The following MYO1B variants were observed in gnomAD, a reference collection of about 807,000 sequenced individuals.
The protein encoded by MYO1B is myosin IB.
A neutral mutation model predicts 159.7 loss-of-function variants in MYO1B; 72 were observed. That is an observed-to-expected ratio of 0.45 (90% CI 0.37 to 0.55). The LOEUF (loss-of-function observed/expected upper bound fraction) is 0.55, where lower values mean the gene tolerates loss of function less well. Among genes scored for constraint, MYO1B ranks in the 20% least tolerant of loss-of-function variants. The pLI is 0.00. For missense variants in MYO1B, 1,062 were observed against 1,364.8 expected, an observed-to-expected ratio of 0.78 and a Z score of 3.50; for synonymous variants, 468 against 473.8, an observed-to-expected ratio of 0.99 and a Z score of 0.16.
intron 4 of MYO1B, among the ~76,000 whole-genome samples, chr2:191,335,657 T>C (rs982327957): frequency 2.0e-5 from 3 of 152,210 alleles, no homozygotes; most frequent in Admixed American, 1.3e-4. Context: ...GATTAACATT[T>C]ATTGAAGGCC....
chr2:191,397,074 A>G (rs1230544526), intron 21 of MYO1B, among the ~76,000 whole-genome samples: 3 of 134,578 alleles, frequency 2.2e-5, no homozygotes, highest in Non-Finnish European at 4.7e-5. Flanking sequence ...GCAAGCTAAG[A>G]ATGGTTTTTA....
intron 1 of MYO1B, among the ~76,000 whole-genome samples, chr2:191,268,490 A>G (rs1335658137): frequency 1.3e-5 from 2 of 152,194 alleles, no homozygotes; most frequent in African/African-American, 4.8e-5. Flanking sequence ...TTCAGTCCGT[A>G]AGATTTGGCT....
Position 191,408,334 on chromosome 2 carries a change from T to TA in MYO1B, c.2631+146dup. 5.1e-6 allele frequency: 3 copies of TA among 591,180 alleles called. No individual in the cohort carries two copies. The South Asian group carries it at 7.1e-5, about 14-fold the overall frequency. 36.6% of individuals were successfully genotyped at this position (591,180 alleles called of 1,614,324 possible). ...AAATCATAGCTGTGACACTGAGAGT[T>TA]AGTTATCTTTTAAAATCATCTTCTT... On this transcript the variant is annotated intron_variant, in intron 25 of 30. Coordinates refer to ENST00000392318, the MANE Select transcript of MYO1B (RefSeq NM_001130158.3).
At chr2:191,354,290 AATAATAATG>A (rs1381112847) in intron 7 of MYO1B, among the ~76,000 whole-genome samples, 1 of 125,394 alleles carries the variant, frequency 8.0e-6, no homozygotes, top group Non-Finnish European at 1.8e-5. Context: ...TAATAATAAT[AATAATAATG>A]TCGAACACCT....
chr2:191,300,339 ATTTTTT>A (rs35917445), intron 3 of MYO1B, among the ~76,000 whole-genome samples: 1 of 140,890 alleles, frequency 7.1e-6, no homozygotes. Context: ...TTACTTGTCA[ATTTTTT>A]TTTTTTTTTT....
At chr2:191,278,929 A>G (rs914152371) in intron 2 of MYO1B, among the ~76,000 whole-genome samples, 11 of 152,264 alleles carry the variant, frequency 7.2e-5, no homozygotes, top group Admixed American at 5.9e-4. Context: ...GAGAAGCACA[A>G]TTCACTTTTA....
At chr2:191,311,010 A>G (rs1283928858) in intron 3 of MYO1B, among the ~76,000 whole-genome samples, 2 of 152,212 alleles carry the variant, frequency 1.3e-5, no homozygotes, top group Non-Finnish European at 2.9e-5. Context: ...AACATTTGAT[A>G]TGAAGAATAC....
intron 1 of MYO1B, chr2:191,263,548 C>G (rs1574288892): frequency 1.3e-5 from 2 of 155,550 alleles, no homozygotes; most frequent in South Asian, 4.1e-4. Flanking sequence ...TTGAAAGCCC[C>G]TTTTTTGATA....
intron 3 of MYO1B, among the ~76,000 whole-genome samples, chr2:191,312,588 A>G (rs935466508): frequency 2.6e-5 from 4 of 152,148 alleles, no homozygotes; most frequent in African/African-American, 9.7e-5. Flanking sequence ...GCATCTTTGG[A>G]AGAGGGACTA....
chr2:191,349,978 G>A (rs1478087615), intron 6 of MYO1B, among the ~76,000 whole-genome samples, 184 bp from the exon 7 acceptor site: 1 of 152,118 alleles, frequency 6.6e-6, no homozygotes, highest in Admixed American at 6.6e-5. Context: ...AACTAATGGG[G>A]TATTTAGTAT....
intron 2 of MYO1B, 92 bp from the exon 3 acceptor site, chr2:191,296,018 TA>T: frequency 1.7e-6 from 1 of 576,392 alleles, no homozygotes; most frequent in Non-Finnish European, 2.8e-6. Flanking sequence ...GTGTTGATTT[TA>T]AAAGGTTGAA....
chr2:191,359,456 C>G (rs1338280827), intron 7 of MYO1B, among the ~76,000 whole-genome samples: 1 of 151,924 alleles, frequency 6.6e-6, no homozygotes, highest in Non-Finnish European at 1.5e-5. Flanking sequence ...AATTTTTGTA[C>G]TTACATATTT....
At chr2:191,390,264 A>G (rs1695663164) in intron 17 of MYO1B, 28 bp from the exon 18 acceptor site, 2 of 1,595,454 alleles carry the variant, frequency 1.3e-6, no homozygotes, top group Non-Finnish European at 8.6e-7. Flanking sequence ...GAGGCAGTTT[A>G]TAACCTAAAA....
intron 24 of MYO1B, among the ~76,000 whole-genome samples, chr2:191,405,227 C>T (rs754531529): frequency 3.9e-5 from 6 of 152,182 alleles, no homozygotes; most frequent in Non-Finnish European, 7.3e-5. Flanking sequence ...TCATTTCCAT[C>T]TTATCTTGAG....
intron 13 of MYO1B, 81 bp downstream of exon 13, chr2:191,370,373 T>C (rs1011102707): frequency 1.3e-5 from 12 of 917,814 alleles, no homozygotes; most frequent in Non-Finnish European, 2.1e-5. Context: ...GTAGACATTA[T>C]AAGTAACTGT....
chr2:191,266,973 G>A (rs528358402), intron 1 of MYO1B, among the ~76,000 whole-genome samples: 1 of 152,264 alleles, frequency 6.6e-6, no homozygotes, highest in South Asian at 2.1e-4. Flanking sequence ...ACTGGCCTGT[G>A]CCTGGGATTG....
At chr2:191,328,153 G>C (rs1346452061) in intron 3 of MYO1B, among the ~76,000 whole-genome samples, 1 of 152,190 alleles carries the variant, frequency 6.6e-6, no homozygotes. Flanking sequence ...CATTTAATTT[G>C]CAGGTCTGTG....
intron 2 of MYO1B, among the ~76,000 whole-genome samples, chr2:191,285,442 C>T (rs13001899): frequency 0.34 from 52,347 of 152,020 alleles, 9,760 homozygotes; most frequent in Middle Eastern, 0.52. Context: ...TTGCGGCCAC[C>T]GTCGGCAGCC....
chr2:191,352,170 T>C (rs1692967822), intron 7 of MYO1B, among the ~76,000 whole-genome samples: 1 of 152,214 alleles, frequency 6.6e-6, no homozygotes, highest in Non-Finnish European at 1.5e-5. Context: ...AAGACTCTTT[T>C]TACAATATAT....
Sources: allele counts gnomAD v4.1 joint callset (sites outside exome capture counted in the v4.1 genomes callset), GRCh38; gene constraint gnomAD v4.1.1; transcripts MANE v1.5; gene names NCBI Gene and HGNC (gene_info 2026-07-23, HGNC 2026-07-21).